GUCY1A1: variants seen among roughly 807,000 people sequenced by gnomAD.
GUCY1A1 encodes the protein guanylate cyclase soluble subunit alpha-1.
In GUCY1A1, 48 loss-of-function variants were observed where a neutral mutation model predicts 64.5. The ratio of observed to expected loss-of-function variants is 0.74; its 90% confidence interval spans 0.59 to 0.95. The LOEUF (loss-of-function observed/expected upper bound fraction) is 0.95. Ranked by LOEUF, GUCY1A1 falls within the 40% of genes least tolerant of loss-of-function variation. The pLI is 0.00. For synonymous variants in GUCY1A1, 308 were observed against 303.4 expected (o/e 1.02, Z -0.16); for missense variants, 804 against 825.3 (o/e 0.97, Z 0.32).
chr4:155,711,203 T>G lies in GUCY1A1; in HGVS notation c.1038T>G (p.Phe346Leu), dbSNP rs367716235. The change falls in exon 6 of 10, where the codon TTT becomes TTG. Residue 346 changes from phenylalanine to leucine, a missense_variant. Coordinates refer to ENST00000506455, the MANE Select transcript of GUCY1A1 (RefSeq NM_001130682.3). ...SGIMTMLNMQ[F>L]VVRVRRWDNS... The stretch of plus-strand genomic sequence containing the variant: ...TCATGACTATGTTGAATATGCAGTT[T>G]GTTGTACGAGTGAGGAGATGGGACA... 6.2e-7 allele frequency: 1 copy of G among 1,612,646 alleles called. No homozygotes were observed. Among genetic ancestry groups the G allele is most frequent in the African/African-American group, 1.3e-5 (1 of 74,926 alleles).
chr4:155,707,555 G>A (rs1184158428), intron 4 of GUCY1A1, among the ~76,000 whole-genome samples: 6 of 150,788 alleles, frequency 4.0e-5, no homozygotes, highest in African/African-American at 1.5e-4. Context: ...TTCAAACTTT[G>A]AAGTACAGTT....
intron 2 of GUCY1A1, among the ~76,000 whole-genome samples, chr4:155,681,931 C>T (rs544441579): frequency 6.6e-6 from 1 of 152,328 alleles, no homozygotes; most frequent in African/African-American, 2.4e-5. Context: ...ATCCATGTAT[C>T]TAAAACAAAT....
intron 2 of GUCY1A1, among the ~76,000 whole-genome samples, chr4:155,674,364 A>T (rs1256693715): frequency 7.1e-6 from 1 of 141,662 alleles, no homozygotes; most frequent in Non-Finnish European, 1.5e-5. Context: ...AAAAAAAAAA[A>T]GAAAGAAAGA....
chr4:155,688,724 C>G (rs1042005693), intron 2 of GUCY1A1, among the ~76,000 whole-genome samples: 2 of 151,532 alleles, frequency 1.3e-5, no homozygotes, highest in African/African-American at 4.9e-5. Flanking sequence ...AATAAAAGGA[C>G]TTAGGGAAAA....
chr4:155,723,933 A>G (rs778058399), intron 9 of GUCY1A1, among the ~76,000 whole-genome samples: 37 of 152,086 alleles, frequency 2.4e-4, no homozygotes, highest in Admixed American at 9.8e-4. Context: ...AAAGTGTAGG[A>G]TTACAGGCGT....
Position 155,711,028 on chromosome 4 carries a change from T to C in GUCY1A1, c.863T>C (p.Phe288Ser). The C allele has an allele frequency of 6.2e-7, 1 of 1,614,040 alleles. No homozygotes were observed. The change falls in exon 6 of 10, where the codon TTC becomes TCC. Residue 288 changes from phenylalanine to serine, a missense_variant. Coordinates refer to ENST00000506455, the MANE Select transcript of GUCY1A1 (RefSeq NM_001130682.3). ...TCGCTATTCTGCAAGACATTTCCAT[T>C]CCATTTCATGTTTGACAAAGATATG... ...PTSLFCKTFP[F>S]HFMFDKDMTI...
chr4:155,683,223 A>T (rs1205906973), intron 2 of GUCY1A1, among the ~76,000 whole-genome samples: 1 of 152,232 alleles, frequency 6.6e-6, no homozygotes, highest in East Asian at 1.9e-4. Flanking sequence ...AAAGTTGAAA[A>T]ACAACACTAA....
intron 2 of GUCY1A1, among the ~76,000 whole-genome samples, chr4:155,673,002 A>G (rs2126516854): frequency 6.6e-6 from 1 of 152,334 alleles, no homozygotes; most frequent in East Asian, 1.9e-4. Flanking sequence ...ATGGATATGA[A>G]ACAAAACAAG....
At chr4:155,725,060 C>A (rs1318032954) in intron 9 of GUCY1A1, among the ~76,000 whole-genome samples, 1 of 152,044 alleles carries the variant, frequency 6.6e-6, no homozygotes, top group Non-Finnish European at 1.5e-5. Flanking sequence ...ATAGCAACAA[C>A]CTTCTCCTCA....
At chr4:155,668,710 C>T (rs781370259) in intron 2 of GUCY1A1, among the ~76,000 whole-genome samples, 1 of 152,000 alleles carries the variant, frequency 6.6e-6, no homozygotes, top group Admixed American at 6.6e-5. Flanking sequence ...ATTTCAGGTA[C>T]CCTATTATGT....
At chr4:155,727,027 T>A (rs1169988371) in intron 9 of GUCY1A1, among the ~76,000 whole-genome samples, 1 of 151,934 alleles carries the variant, frequency 6.6e-6, no homozygotes, top group Admixed American at 6.6e-5. Context: ...CTGAGCACAT[T>A]GTGCTAGAGA....
At chr4:155,701,802 CAA>C (rs34761852) in intron 3 of GUCY1A1, among the ~76,000 whole-genome samples, 27 of 99,568 alleles carry the variant, frequency 2.7e-4, no homozygotes, top group East Asian at 1.2e-3. Flanking sequence ...ACTCTATATC[CAA>C]AAAAAAAAAA....
At chr4:155,695,804 T>C (rs537835374) in intron 2 of GUCY1A1, among the ~76,000 whole-genome samples, 1 of 152,318 alleles carries the variant, frequency 6.6e-6, no homozygotes, top group East Asian at 1.9e-4. Context: ...ATGGGTTCTT[T>C]TCCACTCTTT....
intron 9 of GUCY1A1, among the ~76,000 whole-genome samples, chr4:155,724,727 A>T (rs1458474056): frequency 1.3e-5 from 2 of 151,910 alleles, no homozygotes; most frequent in Non-Finnish European, 2.9e-5. Context: ...TTTTCCTGTT[A>T]TCTTCTGTAT....
chr4:155,711,724 A>G (rs1290707273), intron 6 of GUCY1A1, among the ~76,000 whole-genome samples: 2 of 152,196 alleles, frequency 1.3e-5, no homozygotes, highest in African/African-American at 2.4e-5. Flanking sequence ...ATATTCTGTC[A>G]TCTCATGGTA....
chr4:155,704,707 G>A (rs115640968), intron 4 of GUCY1A1, among the ~76,000 whole-genome samples: 94 of 151,934 alleles, frequency 6.2e-4, no homozygotes, highest in African/African-American at 2.1e-3. Context: ...TTAATATAAA[G>A]TTACTTTTTA....
Position 155,733,460 on chromosome 4 carries a change from G to A in GUCY1A1, c.*3229G>A, listed in dbSNP as rs769408371. Among the ~76,000 whole-genome samples the A allele has an allele frequency of 1.3e-5, 2 of 151,772 alleles. No homozygotes were observed. The highest frequency in any genetic ancestry group is 2.4e-5 in the African/African-American group (1 of 41,444). ...AAAAGACCATCTGGGCAAAAATCAC[G>A]AAGGGGTATGTGTGTCATGTAAAGG... is the stretch of plus-strand genomic sequence containing the variant. On this transcript the variant is annotated 3_prime_UTR_variant, in exon 10 of 10. Transcript: ENST00000506455.
chr4:155,692,121 G>T (rs1160992179), intron 2 of GUCY1A1, among the ~76,000 whole-genome samples: 1 of 152,084 alleles, frequency 6.6e-6, no homozygotes, highest in Non-Finnish European at 1.5e-5. Context: ...CAAAGGACAT[G>T]ATCTCATTCT....
intron 2 of GUCY1A1, among the ~76,000 whole-genome samples, chr4:155,674,202 A>C (rs1424490036): frequency 6.6e-6 from 1 of 151,122 alleles, no homozygotes; most frequent in Non-Finnish European, 1.5e-5. Flanking sequence ...AAAAATACAA[A>C]AAATTAGCCG....
Sources: allele counts gnomAD v4.1 joint callset (sites outside exome capture counted in the v4.1 genomes callset), GRCh38; gene constraint gnomAD v4.1.1; transcripts MANE v1.5; gene names NCBI Gene and HGNC (gene_info 2026-07-23, HGNC 2026-07-21).